The following PCDHGB7 variants were observed in gnomAD, a reference collection of about 807,000 sequenced individuals.
PCDHGB7 encodes protocadherin gamma-B7.
A neutral mutation model predicts 61.4 loss-of-function variants in PCDHGB7; 37 were observed. The ratio of observed to expected loss-of-function variants is 0.60; its 90% confidence interval spans 0.46 to 0.79. The LOEUF is 0.79. Among genes scored for constraint, PCDHGB7 ranks in the 30% least tolerant of loss-of-function variants. PCDHGB7 has a pLI of 0.00. For missense variants in PCDHGB7, 1,166 were observed against 1,202.5 expected (o/e 0.97, Z 0.45); for synonymous variants, 464 against 503.5 (o/e 0.92, Z 1.05).
intron 1 of PCDHGB7, among the ~76,000 whole-genome samples, chr5:141,466,594 C>G (rs557960608): frequency 6.6e-6 from 1 of 152,268 alleles, no homozygotes; most frequent in Admixed American, 6.5e-5. Flanking sequence ...TTAAAACAAG[C>G]TAGCTACTTG....
chr5:141,459,506 A>G (rs1156362858), intron 1 of PCDHGB7, among the ~76,000 whole-genome samples: 1 of 152,236 alleles, frequency 6.6e-6, no homozygotes, highest in East Asian at 1.9e-4. Flanking sequence ...GATGTGAACA[A>G]TCATGTACAA....
intron 1 of PCDHGB7, chr5:141,478,068 A>G (rs560968418): frequency 3.7e-6 from 6 of 1,614,134 alleles, no homozygotes; most frequent in East Asian, 4.5e-5. Flanking sequence ...ATCAAAGACA[A>G]TGGGGAGCCT....
Position 141,512,836 on chromosome 5 carries a change from T to G in PCDHGB7, c.*1663T>G, listed in dbSNP as rs1024777792. On this transcript the variant is annotated 3_prime_UTR_variant, in exon 4 of 4. Transcript: ENST00000398594. ...GGCGACCCCCTCCCCCGTACTGACTTCTCCTATAAGCGCTTCTCTTCGCAT... is the reference window on the plus strand; with the variant it reads ...GGCGACCCCCTCCCCCGTACTGACTGCTCCTATAAGCGCTTCTCTTCGCAT... 2 of 152,222 alleles carry G rather than the reference T, an allele frequency of 1.3e-5. No homozygotes were observed. Among genetic ancestry groups the G allele is most frequent in the African/African-American group, 4.8e-5 (2 of 41,412 alleles). The allele number at this position is 152,222 out of a possible 1,614,324, so 9.4% of individuals were successfully genotyped here. A position where few individuals can be genotyped will look rare whatever the true frequency, so the allele number is the denominator to read the frequency against.
Position 141,476,383 on chromosome 5 carries a change from C to G in PCDHGB7, c.2416-18424C>G, listed in dbSNP as rs547854431. ...GGGAGACCGGAGAGATGTTTGTGAACGACCGTCTGGATCGAGAGGAGCTGT... is the reference window on the plus strand; with the variant it reads ...GGGAGACCGGAGAGATGTTTGTGAAGGACCGTCTGGATCGAGAGGAGCTGT... On this transcript the variant is annotated intron_variant, in intron 1 of 3. Transcript: ENST00000398594. The surrounding 1 kb of genome is among the most constrained non-coding windows in gnomAD (Gnocchi z 7.6). 1.2e-6 allele frequency: 2 copies of G among 1,614,102 alleles called. No homozygotes were observed. Among genetic ancestry groups the G allele is most frequent in the Middle Eastern group, 3.3e-4 (2 of 6,062 alleles).
At position 141,485,314 on chromosome 5, in the gene PCDHGB7, T is replaced by A. The variant is rs1292296791; in HGVS notation, c.2416-9493T>A. The A allele has an allele frequency of 1.2e-6, 2 of 1,614,150 alleles. No homozygotes were observed. The highest frequency in any genetic ancestry group is 1.7e-6 in the Non-Finnish European group (2 of 1,180,032). ...CACAGGAAGGGACTTTTGTAGGGAA[T>A]GTCGCTCAAGATTTCCTGCTGGATA... On this transcript the variant is annotated intron_variant, in intron 1 of 3. Coordinates refer to ENST00000398594, the MANE Select transcript of PCDHGB7 (RefSeq NM_018927.4). This position sits in a 1 kb window ranked among gnomAD's most constrained non-coding sequence, Gnocchi z 5.7.
chr5:141,422,078 A>G lies in PCDHGB7; in HGVS notation c.2415+1804A>G, dbSNP rs1442545718. 11 of 1,612,298 alleles carry G rather than the reference A, an allele frequency of 6.8e-6. No homozygotes were observed. In the South Asian group the frequency reaches 8.8e-5, roughly 13 times the overall value. Reference sequence around the variant, plus strand: ...GGGGAAGTAATGTATTCATTTCGGAACATGGAAAGCAAGGCTTCTGAAATA... The same window carrying G: ...GGGGAAGTAATGTATTCATTTCGGAGCATGGAAAGCAAGGCTTCTGAAATA... On this transcript the variant is annotated intron_variant, in intron 1 of 3. Coordinates refer to ENST00000398594, the MANE Select transcript of PCDHGB7 (RefSeq NM_018927.4).
intron 2 of PCDHGB7, among the ~76,000 whole-genome samples, chr5:141,496,639 C>A (rs752903356): frequency 6.6e-6 from 1 of 152,222 alleles, no homozygotes; most frequent in Non-Finnish European, 1.5e-5. Flanking sequence ...TTGGGCTGCC[C>A]TTGCCCTTCC....
intron 1 of PCDHGB7, chr5:141,471,300 C>T (rs2099254628): frequency 6.6e-6 from 1 of 152,190 alleles, no homozygotes; most frequent in African/African-American, 2.4e-5. Context: ...ATCCACCCAA[C>T]TCGGCCTCCC....
rs1264759473 is a variant in PCDHGB7 at position 141,486,183 on chromosome 5, G to A, written c.2416-8624G>A. On this transcript the variant is annotated intron_variant, in intron 1 of 3. Transcript: ENST00000398594. The surrounding 1 kb of genome is among the most constrained non-coding windows in gnomAD (Gnocchi z 5.0). The stretch of plus-strand genomic sequence containing the variant: ...GCCATGGAGCAACATTGCAGCCTTC[G>A]AGTGGATCTGCTGGACGTAAATGAC... 3 of 1,614,154 alleles carry A rather than the reference G, an allele frequency of 1.9e-6. No homozygotes were observed. The highest frequency in any genetic ancestry group is 1.1e-5 in the South Asian group (1 of 91,082).
At chr5:141,435,413 A>G (rs1422263053) in intron 1 of PCDHGB7, among the ~76,000 whole-genome samples, 1 of 152,122 alleles carries the variant, frequency 6.6e-6, no homozygotes, top group Admixed American at 6.5e-5. Flanking sequence ...GGTAAAGACT[A>G]TTTTTCACTT....
intron 1 of PCDHGB7, chr5:141,423,486 C>G: frequency 6.2e-7 from 1 of 1,613,952 alleles, no homozygotes; most frequent in Non-Finnish European, 8.5e-7. Context: ...TCCTGCAAAC[C>G]TATTCCCACG....
chr5:141,430,235 G>T (rs1020445956), intron 1 of PCDHGB7, among the ~76,000 whole-genome samples: 3 of 128,670 alleles, frequency 2.3e-5, no homozygotes, highest in Non-Finnish European at 4.7e-5. Context: ...GTCAAAAAGA[G>T]AAACTCCTAG....
intron 1 of PCDHGB7, among the ~76,000 whole-genome samples, chr5:141,481,223 A>C (rs935737972): frequency 3.3e-5 from 5 of 152,242 alleles, no homozygotes; most frequent in Non-Finnish European, 7.3e-5. Context: ...AAGGTCTCCC[A>C]GCCTTAAAGT....
intron 2 of PCDHGB7, among the ~76,000 whole-genome samples, chr5:141,499,015 AG>A (rs2099788530): frequency 6.6e-6 from 1 of 151,284 alleles, no homozygotes; most frequent in Non-Finnish European, 1.5e-5. Context: ...GAAGGAAGGA[AG>A]GAAGGAAGGA....
Position 141,432,581 on chromosome 5 carries a change from C to T in PCDHGB7, c.2415+12307C>T. 6.2e-7 allele frequency: 1 copy of T among 1,613,930 alleles called. No homozygotes were observed. The highest frequency in any genetic ancestry group is 8.5e-7 in the Non-Finnish European group (1 of 1,179,974). On this transcript the variant is annotated intron_variant, in intron 1 of 3. Coordinates refer to ENST00000398594, the MANE Select transcript of PCDHGB7 (RefSeq NM_018927.4). The surrounding 1 kb of genome is among the most constrained non-coding windows in gnomAD (Gnocchi z 6.0). ...CCAGAACGCCTGGCTGTCCTACCGT[C>T]TGCTCAAGGCCAGCGAGCCGGGACT...
At position 141,431,848 on chromosome 5, in the gene PCDHGB7, G is replaced by A. The variant is rs747401379; in HGVS notation, c.2415+11574G>A. 11 of 1,614,142 alleles carry A rather than the reference G, an allele frequency of 6.8e-6. No homozygotes were observed. The highest frequency in any genetic ancestry group is 2.2e-5 in the East Asian group (1 of 44,906). On this transcript the variant is annotated intron_variant, in intron 1 of 3. Coordinates refer to ENST00000398594, the MANE Select transcript of PCDHGB7 (RefSeq NM_018927.4). The surrounding 1 kb of genome is among the most constrained non-coding windows in gnomAD (Gnocchi z 4.8). ...CGGTTCCCGAAAACTCTCCCAGAGGGACATTAATTGCCCTTTTAAATGTAA... is the reference window on the plus strand; with the variant it reads ...CGGTTCCCGAAAACTCTCCCAGAGGAACATTAATTGCCCTTTTAAATGTAA...
intron 1 of PCDHGB7, among the ~76,000 whole-genome samples, chr5:141,430,411 C>T (rs879587751): frequency 3.3e-5 from 5 of 150,942 alleles, no homozygotes; most frequent in African/African-American, 1.2e-4. Flanking sequence ...ACTAAAGTTT[C>T]TATTAAAGCG....
chr5:141,485,511 C>G lies in PCDHGB7; in HGVS notation c.2416-9296C>G, dbSNP rs1168331122. The G allele has an allele frequency of 1.2e-6, 2 of 1,614,042 alleles. No individual in the cohort carries two copies. Among genetic ancestry groups the G allele is most frequent in the Non-Finnish European group, 1.7e-6 (2 of 1,180,038 alleles). On this transcript the variant is annotated intron_variant, in intron 1 of 3. Transcript: ENST00000398594. The surrounding 1 kb of genome is among the most constrained non-coding windows in gnomAD (Gnocchi z 5.7). Reference sequence around the variant, plus strand: ...CCCCTGGAGTTTGTCACCGAAGGTCCTTTGGAAATGTACCGAGCAGAGGTA... The same window carrying G: ...CCCCTGGAGTTTGTCACCGAAGGTCGTTTGGAAATGTACCGAGCAGAGGTA...
chr5:141,439,716 C>T (rs2098127719), intron 1 of PCDHGB7: 1 of 152,476 alleles, frequency 6.6e-6, no homozygotes, highest in Non-Finnish European at 1.5e-5. Flanking sequence ...CCTAGTTCTA[C>T]AAATTATAAG....
Sources: allele counts gnomAD v4.1 joint callset (sites outside exome capture counted in the v4.1 genomes callset), GRCh38; gene constraint gnomAD v4.1.1; non-coding constraint Gnocchi (gnomAD v3.1); transcripts MANE v1.5; gene names NCBI Gene and HGNC (gene_info 2026-07-23, HGNC 2026-07-21).